The following PALS1 variants were observed in gnomAD, a reference collection of about 807,000 sequenced individuals.
PALS1 encodes the protein protein associated with LIN7 1, MAGUK p55 family member, also known as protein PALS1.
PALS1 carries 31 observed loss-of-function variants against 78.9 expected under a neutral mutation model. That is an observed-to-expected ratio of 0.39 (90% confidence interval 0.30 to 0.53). The LOEUF (loss-of-function observed/expected upper bound fraction) is 0.53. PALS1 is among the 20% of genes least tolerant of loss of function. The pLI, the probability that PALS1 is intolerant of heterozygous loss-of-function variation, is 0.67. For synonymous variants in PALS1, 276 were observed against 270.9 expected (o/e 1.02, Z -0.18); for missense variants, 704 against 826.5 (o/e 0.85, Z 1.82).
intron 3 of PALS1, among the ~76,000 whole-genome samples, chr14:67,283,375 T>C: frequency 6.6e-6 from 1 of 152,212 alleles, no homozygotes; most frequent in Non-Finnish European, 1.5e-5. Context: ...TGACTTTTGA[T>C]TGATCATGGG....
intron 3 of PALS1, among the ~76,000 whole-genome samples, chr14:67,282,529 T>G (rs8021896): frequency 6.6e-6 from 1 of 152,012 alleles, no homozygotes; most frequent in Non-Finnish European, 1.5e-5. Flanking sequence ...TTTGTAAATT[T>G]GACAATGTAT....
chr14:67,332,724 CT>C, intron 14 of PALS1, 55 bp from the exon 15 acceptor site: 3 of 1,528,874 alleles, frequency 2.0e-6, no homozygotes, highest in Non-Finnish European at 2.7e-6. Flanking sequence ...CTGACTCATC[CT>C]ATATTATTTG....
intron 8 of PALS1, among the ~76,000 whole-genome samples, chr14:67,306,327 T>C (rs1364645468): frequency 6.6e-6 from 1 of 151,928 alleles, no homozygotes; most frequent in African/African-American, 2.4e-5. Context: ...AGTATTTTTC[T>C]TTTCCTTCTT....
intron 14 of PALS1, among the ~76,000 whole-genome samples, chr14:67,330,030 A>AAAG (rs1480643908): frequency 2.6e-5 from 4 of 150,958 alleles, no homozygotes; most frequent in African/African-American, 9.7e-5. Context: ...ATGTATTGTT[A>AAAG]AAGTCACAGA....
chr14:67,246,330 T>C lies in PALS1; in HGVS notation c.-237+4797T>C, dbSNP rs1447519519. On this transcript the variant is annotated intron_variant, in intron 1 of 14. Transcript: ENST00000261681. ...ATTTGTAGAGATAAGGTCTTGGCTA[T>C]GTTGCCCAGACTGTATTATTTAAAA... Among the ~76,000 whole-genome samples, 3 of 152,018 alleles carry C rather than the reference T, an allele frequency of 2.0e-5. 1 individual carries two copies. In the East Asian group the frequency reaches 5.8e-4, roughly 29 times the overall value.
At chr14:67,290,240 A>G (rs2084752755) in intron 3 of PALS1, among the ~76,000 whole-genome samples, 1 of 152,176 alleles carries the variant, frequency 6.6e-6, no homozygotes, top group Non-Finnish European at 1.5e-5. Context: ...GACATAACTA[A>G]TTTACAATAG....
intron 1 of PALS1, among the ~76,000 whole-genome samples, chr14:67,247,606 G>T (rs547870682): frequency 6.6e-6 from 1 of 151,778 alleles, no homozygotes; most frequent in South Asian, 2.1e-4. Flanking sequence ...TTAAGATAGG[G>T]TCTCACTCTA....
chr14:67,266,336 A>C (rs1227560777), intron 1 of PALS1, among the ~76,000 whole-genome samples: 1 of 142,124 alleles, frequency 7.0e-6, no homozygotes, highest in Non-Finnish European at 1.5e-5. Flanking sequence ...CAAATATTTC[A>C]ATTTTTTTTT....
chr14:67,259,929 T>G (rs2084209409), intron 1 of PALS1, among the ~76,000 whole-genome samples: 5 of 152,022 alleles, frequency 3.3e-5, no homozygotes, highest in Non-Finnish European at 5.9e-5. Flanking sequence ...GTATTTGTCT[T>G]AAGTTTCTTC....
chr14:67,291,575 G>T (rs143624333), intron 3 of PALS1, among the ~76,000 whole-genome samples: 234 of 152,296 alleles, frequency 1.5e-3, no homozygotes, highest in African/African-American at 5.4e-3. Flanking sequence ...GAGCCACTGC[G>T]CCCAGCCTAC....
At chr14:67,264,234 G>A (rs768370159) in intron 1 of PALS1, among the ~76,000 whole-genome samples, 5 of 152,142 alleles carry the variant, frequency 3.3e-5, no homozygotes, top group African/African-American at 7.2e-5. Context: ...TGTCATTGGG[G>A]ATGACAGTGG....
At position 67,316,907 on chromosome 14, in the gene PALS1, A is replaced by G; in HGVS notation, c.1297+4A>G. 1 of 1,607,406 alleles carries G rather than the reference A, an allele frequency of 6.2e-7. No homozygotes were observed. On this transcript the variant is annotated splice_donor_region_variant and intron_variant, in intron 10 of 14. Coordinates refer to ENST00000261681, the MANE Select transcript of PALS1 (RefSeq NM_022474.4). ...GATAAGGAGCCAGAAAAATCAGGTTAGACACTTGTATTTGACATAAGTAAA... is the reference window on the plus strand; with the variant it reads ...GATAAGGAGCCAGAAAAATCAGGTTGGACACTTGTATTTGACATAAGTAAA...
chr14:67,254,173 A>C (rs1265658494), intron 1 of PALS1: 3 of 143,676 alleles, frequency 2.1e-5, no homozygotes, highest in Non-Finnish European at 3.0e-5. Flanking sequence ...CTAGATTTTA[A>C]GTGTCTTTCT....
chr14:67,302,569 T>G lies in PALS1; in HGVS notation c.961T>G (p.Leu321Val), dbSNP rs2084946958. Reference protein sequence around the residue: ...GKDVNEVFDLLSDMHGTLTFV... With the variant: ...GKDVNEVFDLVSDMHGTLTFV... ...AGATGTCAATGAGGTTTTTGACTTG[T>G]TGGTAAGTTGACGCAGCTAGAAGAA... is the stretch of plus-strand genomic sequence containing the variant. The change falls in exon 7 of 15, where the codon TTG becomes GTG. Residue 321 changes from leucine (L) to valine (V), a missense_variant and splice_region_variant. Physicochemically the swap from Leu to Val is conservative, Grantham distance 32. Coordinates refer to ENST00000261681, the MANE Select transcript of PALS1 (RefSeq NM_022474.4). 1.3e-6 allele frequency: 2 copies of G among 1,492,868 alleles called. No individual in the cohort carries two copies. Among genetic ancestry groups the G allele is most frequent in the African/African-American group, 1.4e-5 (1 of 69,856 alleles). 92.5% of individuals were successfully genotyped at this position (1,492,868 alleles called of 1,614,324 possible). A position where few individuals can be genotyped will look rare whatever the true frequency, so the allele number is the denominator to read the frequency against.
At chr14:67,331,710 T>A (rs1186763097) in intron 14 of PALS1, among the ~76,000 whole-genome samples, 3 of 152,186 alleles carry the variant, frequency 2.0e-5, no homozygotes, top group African/African-American at 7.2e-5. Flanking sequence ...TTAAATTTGA[T>A]AAAAACTAGG....
At chr14:67,332,754 TCA>T in intron 14 of PALS1, 24 bp from the exon 15 acceptor site, 1 of 1,589,256 alleles carries the variant, frequency 6.3e-7, no homozygotes, top group South Asian at 1.1e-5. Flanking sequence ...AGGAATTATC[TCA>T]CAGTTTTTAT....
In PALS1 at chr14:67,320,404, T is replaced by G. The variant is rs762681211; in HGVS notation, c.1537+7T>G. On this transcript the variant is annotated splice_region_variant and intron_variant, in intron 12 of 14. Transcript: ENST00000261681. ...TTTGCATCTGCAGTTCCTCGTAAGT[T>G]TGAATGCATTCCCATTTTCCTGTGC... 3 of 1,586,130 alleles carry G rather than the reference T, an allele frequency of 1.9e-6. No individual in the cohort carries two copies. In the East Asian group the frequency reaches 6.8e-5, roughly 36 times the overall value.
intron 1 of PALS1, among the ~76,000 whole-genome samples, chr14:67,246,930 G>A (rs896890080): frequency 1.3e-5 from 2 of 152,140 alleles, no homozygotes; most frequent in African/African-American, 2.4e-5. Context: ...GATTACAGGC[G>A]TGAGCCACTG....
intron 1 of PALS1, among the ~76,000 whole-genome samples, chr14:67,255,341 G>A (rs1047934900): frequency 6.6e-6 from 1 of 152,166 alleles, no homozygotes; most frequent in African/African-American, 2.4e-5. Flanking sequence ...TTATTTACGT[G>A]ATGAAAGAAT....
Sources: allele counts gnomAD v4.1 joint callset (sites outside exome capture counted in the v4.1 genomes callset), GRCh38; gene constraint gnomAD v4.1.1; transcripts MANE v1.5; gene names NCBI Gene and HGNC (gene_info 2026-07-23, HGNC 2026-07-21).